CAMK1D: variants seen among roughly 807,000 people sequenced by gnomAD.
CAMK1D encodes the protein calcium/calmodulin dependent protein kinase ID, also known as calcium/calmodulin-dependent protein kinase type 1D.
Under a neutral mutation model 47.7 loss-of-function variants are expected in CAMK1D, and 9 were observed. The ratio of observed to expected loss-of-function variants is 0.19; its 90% CI spans 0.11 to 0.33. The LOEUF (loss-of-function observed/expected upper bound fraction) is 0.33, where lower values mean the gene tolerates loss of function less well. Among genes scored for constraint, CAMK1D ranks in the 10% least tolerant of loss-of-function variants. The pLI is 1.00. For missense variants in CAMK1D, 291 were observed against 488.7 expected (o/e 0.60, Z 3.81); for synonymous variants, 184 against 184.9 (o/e 0.99, Z 0.04).
chr10:12,674,599 C>CTTTT lies in CAMK1D; in HGVS notation c.299+7804_299+7807dup, dbSNP rs11391139. Among the ~76,000 whole-genome samples, 29 of 63,454 alleles carry CTTTT rather than the reference C, an allele frequency of 4.6e-4. 1 individual carries two copies. Among genetic ancestry groups the CTTTT allele is most frequent in the East Asian group, 2.6e-3 (6 of 2,294 alleles). The allele number at this position is 63,454 out of a possible 152,430, so 41.6% of individuals were successfully genotyped here. On this transcript the variant is annotated intron_variant, in intron 3 of 10. Coordinates refer to ENST00000619168, the MANE Select transcript of CAMK1D (RefSeq NM_153498.4). ...TTTTATTTGGGTTTTTGGAAAAATG[C>CTTTT]TTTTTTTTTTTTTTTTTTCAGAATT...
At chr10:12,676,524 T>C (rs1840815326) in intron 3 of CAMK1D, among the ~76,000 whole-genome samples, 1 of 152,248 alleles carries the variant, frequency 6.6e-6, no homozygotes, top group African/African-American at 2.4e-5. Flanking sequence ...AATGCTTAAC[T>C]GATATGATCA....
intron 1 of CAMK1D, among the ~76,000 whole-genome samples, chr10:12,387,079 C>T (rs1838518951): frequency 6.6e-6 from 1 of 151,210 alleles, no homozygotes; most frequent in African/African-American, 2.4e-5. Context: ...TGGCGGGCAC[C>T]TGTAGTCCCA....
rs770090758 is a variant in CAMK1D, at chr10:12,814,269, A to T, written c.716A>T (p.Glu239Val). The T allele has an allele frequency of 2.5e-6, 4 of 1,613,726 alleles. No homozygotes were observed. The highest frequency in any genetic ancestry group is 3.4e-6 in the Non-Finnish European group (4 of 1,179,674). ...GAGCAGATCCTCAAGGCGGAATATG[A>T]GTTTGACTCTCCCTACTGGGATGAC... ...LFEQILKAEY[E>V]FDSPYWDDIS... The change falls in exon 7 of 11, where the codon GAG (glutamate) becomes GTG (valine). Residue 239 changes from glutamate to valine, a missense_variant. Physicochemically the swap from Glu to Val is moderately radical, Grantham distance 121. Around this residue, in one of 2 missense-constraint regions of CAMK1D, gnomAD observed 219 missense variants for 424.3 expected, o/e 0.52. Coordinates refer to ENST00000619168, the MANE Select transcript of CAMK1D (RefSeq NM_153498.4).
At chr10:12,716,985 A>C (rs1283805792) in intron 3 of CAMK1D, among the ~76,000 whole-genome samples, 1 of 152,206 alleles carries the variant, frequency 6.6e-6, no homozygotes, top group Non-Finnish European at 1.5e-5. Context: ...CAGAGGATAC[A>C]CTGTGATATT....
intron 2 of CAMK1D, among the ~76,000 whole-genome samples, chr10:12,659,841 T>C (rs977969981): frequency 3.3e-5 from 5 of 152,322 alleles, no homozygotes; most frequent in African/African-American, 1.2e-4. Context: ...TGGTCCTCTA[T>C]GGCCTTTGCT....
intron 2 of CAMK1D, among the ~76,000 whole-genome samples, chr10:12,574,072 TTGACCAACCATTGTAC>T (rs1423526688): frequency 6.6e-6 from 1 of 152,170 alleles, no homozygotes; most frequent in Non-Finnish European, 1.5e-5. Flanking sequence ...GACTTGTCTT[TTGACCAACCATTGTAC>T]TGAAACTGTT....
intron 8 of CAMK1D, 34 bp from the exon 9 acceptor site, chr10:12,824,431 G>A (rs1188795862): frequency 3.8e-6 from 6 of 1,578,436 alleles, no homozygotes; most frequent in Non-Finnish European, 8.7e-7. Flanking sequence ...CCCAGAAGAA[G>A]CACTTCAGAG....
intron 1 of CAMK1D, among the ~76,000 whole-genome samples, chr10:12,490,325 C>T (rs12783292): frequency 0.19 from 28,572 of 152,006 alleles, 3,310 homozygotes; most frequent in Non-Finnish European, 0.27. Context: ...GGCGCTGGGA[C>T]GGGGTTATTC....
chr10:12,360,423 A>G (rs1564292087), intron 1 of CAMK1D, among the ~76,000 whole-genome samples: 1 of 152,184 alleles, frequency 6.6e-6, no homozygotes, highest in African/African-American at 2.4e-5. Context: ...GTACCAAGCC[A>G]GGAGGTATCG....
intron 4 of CAMK1D, among the ~76,000 whole-genome samples, chr10:12,768,958 G>A (rs778020961): frequency 2.0e-5 from 3 of 152,186 alleles, no homozygotes; most frequent in Non-Finnish European, 2.9e-5. Context: ...GGAACACGGG[G>A]GCCATAAGAA....
intron 6 of CAMK1D, among the ~76,000 whole-genome samples, chr10:12,793,925 A>G (rs961231927): frequency 6.6e-6 from 1 of 152,264 alleles, no homozygotes; most frequent in Non-Finnish European, 1.5e-5. Flanking sequence ...AGAAAGCGAC[A>G]TGCAAGAAGT....
intron 1 of CAMK1D, among the ~76,000 whole-genome samples, chr10:12,543,349 A>G (rs1836259398): frequency 6.6e-6 from 1 of 152,112 alleles, no homozygotes; most frequent in Admixed American, 6.5e-5. Context: ...ACGCCTGGCC[A>G]TTGCCCAATT....
intron 1 of CAMK1D, among the ~76,000 whole-genome samples, chr10:12,548,919 G>A (rs1299773128): frequency 2.0e-5 from 3 of 151,216 alleles, no homozygotes; most frequent in South Asian, 4.2e-4. Flanking sequence ...GCATAGGCGC[G>A]ATCTCAGCTC....
intron 1 of CAMK1D, among the ~76,000 whole-genome samples, chr10:12,453,096 G>A (rs1051429335): frequency 1.2e-4 from 18 of 151,988 alleles, no homozygotes; most frequent in African/African-American, 3.6e-4. Flanking sequence ...AAGTGGATTC[G>A]TCAATATTTG....
chr10:12,447,165 G>A (rs1230658889), intron 1 of CAMK1D, among the ~76,000 whole-genome samples: 1 of 152,126 alleles, frequency 6.6e-6, no homozygotes, highest in Non-Finnish European at 1.5e-5. Context: ...GTTAGCTTCA[G>A]AAGGCACCAC....
At chr10:12,435,164 A>C (rs1832591320) in intron 1 of CAMK1D, among the ~76,000 whole-genome samples, 1 of 143,152 alleles carries the variant, frequency 7.0e-6, no homozygotes, top group Non-Finnish European at 1.5e-5. Context: ...CAGAGGTTAC[A>C]GTGAGCTGAG....
At chr10:12,601,552 C>T (rs1176303493) in intron 2 of CAMK1D, among the ~76,000 whole-genome samples, 2 of 152,168 alleles carry the variant, frequency 1.3e-5, no homozygotes, top group East Asian at 3.9e-4. Context: ...CAACCTCTGC[C>T]TCTCAGGTTC....
At chr10:12,782,113 C>G (rs565330011) in intron 5 of CAMK1D, among the ~76,000 whole-genome samples, 1 of 151,874 alleles carries the variant, frequency 6.6e-6, no homozygotes, top group Admixed American at 6.6e-5. Context: ...GTCCCAAAAG[C>G]CTTCTGCTCT....
At chr10:12,666,538 G>A (rs961683194) in intron 2 of CAMK1D, among the ~76,000 whole-genome samples, 198 bp from the exon 3 acceptor site, 2 of 152,206 alleles carry the variant, frequency 1.3e-5, no homozygotes, top group African/African-American at 2.4e-5. Context: ...CCTTAGGAAC[G>A]AAGAGGAATG....
Sources: allele counts gnomAD v4.1 joint callset (sites outside exome capture counted in the v4.1 genomes callset), GRCh38; gene constraint gnomAD v4.1.1; regional missense constraint gnomAD v4.1.1; transcripts MANE v1.5; gene names NCBI Gene and HGNC (gene_info 2026-07-23, HGNC 2026-07-21).